The following DNMBP variants were observed in gnomAD, a reference collection of about 807,000 sequenced individuals.
DNMBP encodes dynamin binding protein.
In DNMBP, 87 loss-of-function variants were observed where a neutral mutation model predicts 150.0. The observed-to-expected ratio is 0.58, with a 90% CI of 0.49 to 0.69. The LOEUF (loss-of-function observed/expected upper bound fraction) is 0.69. Ranked by LOEUF, DNMBP falls within the 30% of genes least tolerant of loss-of-function variation. The pLI is 0.00. For missense variants in DNMBP, 1,774 were observed against 1,949.0 expected (o/e 0.91, Z 1.69); for synonymous variants, 711 against 750.4 (o/e 0.95, Z 0.86).
intron 4 of DNMBP, chr10:99,930,004 G>A (rs1302549132): frequency 4.3e-6 from 3 of 702,810 alleles, no homozygotes; most frequent in Non-Finnish European, 7.8e-6. Context: ...TCCATAATAT[G>A]AGTCTTTGCT....
At position 99,908,025 on chromosome 10, in the gene DNMBP, A is replaced by C; in HGVS notation, c.2524T>G (p.Leu842Val). ...QMVIKVSKQL[L>V]AALEISDAVG... is the part of the protein sequence containing the mutation. The stretch of plus-strand genomic sequence containing the variant: ...GCATCGCTGATTTCCAGAGCAGCCA[A>C]TAATTGCTTCGAGACCTTAATCACC... Residue 842 changes from leucine (L) to valine (V), a missense_variant, in exon 6 of 17, where the codon TTG becomes GTG. By Grantham distance (32) the Leu-to-Val change is conservative. Transcript: ENST00000324109. 1.2e-6 allele frequency: 2 copies of C among 1,614,134 alleles called. No individual in the cohort carries two copies. Among genetic ancestry groups the C allele is most frequent in the Non-Finnish European group, 1.7e-6 (2 of 1,179,976 alleles).
intron 4 of DNMBP, among the ~76,000 whole-genome samples, chr10:99,948,878 A>C (rs1445766752): frequency 6.6e-6 from 1 of 151,898 alleles, no homozygotes; most frequent in Non-Finnish European, 1.5e-5. Flanking sequence ...CAGAAGAATC[A>C]CTTGAACCCG....
chr10:99,991,237 C>T (rs934443281), intron 1 of DNMBP, among the ~76,000 whole-genome samples: 5 of 151,994 alleles, frequency 3.3e-5, no homozygotes, highest in Non-Finnish European at 7.4e-5. Flanking sequence ...TGCCACCATG[C>T]CCGGCTGATG....
In DNMBP at chr10:99,956,248, A is replaced by G; in HGVS notation, c.1226T>C (p.Val409Ala). Reference sequence around the variant, plus strand: ...CTGAGGTTGGGAGGAAATACCATTGACTACTTCTGTAGGGTCAGATGTGGG... The same window carrying G: ...CTGAGGTTGGGAGGAAATACCATTGGCTACTTCTGTAGGGTCAGATGTGGG... ...DSPTSDPTEVVNGISSQPQVP... is the reference protein window; with the variant it reads ...DSPTSDPTEVANGISSQPQVP... The change falls in exon 4 of 17, where the codon GTC (valine) becomes GCC (alanine). Residue 409 changes from valine to alanine, a missense_variant. This residue lies in a region of DNMBP where 1,430 missense variants were observed against 1,492.5 expected (regional missense o/e 0.96). Transcript: ENST00000324109. 6.2e-7 allele frequency: 1 copy of G among 1,613,586 alleles called. No individual in the cohort carries two copies. Among genetic ancestry groups the G allele is most frequent in the Non-Finnish European group, 8.5e-7 (1 of 1,179,966 alleles).
chr10:99,915,618 A>G (rs1383599213), intron 4 of DNMBP, among the ~76,000 whole-genome samples: 1 of 152,010 alleles, frequency 6.6e-6, no homozygotes, highest in Non-Finnish European at 1.5e-5. Context: ...CGAAGGCTGA[A>G]GTGGGAGGAT....
At chr10:99,929,675 G>C (rs1564735494) in intron 4 of DNMBP, 1 of 702,916 alleles carries the variant, frequency 1.4e-6, no homozygotes, top group East Asian at 2.7e-5. Context: ...TGCGGCGGAG[G>C]CAACTATTCC....
chr10:99,987,973 A>G (rs889962788), intron 1 of DNMBP, among the ~76,000 whole-genome samples: 10 of 152,196 alleles, frequency 6.6e-5, no homozygotes, highest in Non-Finnish European at 7.3e-5. Flanking sequence ...TTGCGGGGCC[A>G]TCTAGGCAGT....
chr10:99,916,692 T>A (rs970898407), intron 4 of DNMBP, among the ~76,000 whole-genome samples: 11 of 151,972 alleles, frequency 7.2e-5, no homozygotes, highest in Admixed American at 1.3e-4. Context: ...TTATCTACTT[T>A]AAAAAAAATC....
intron 11 of DNMBP, among the ~76,000 whole-genome samples, chr10:99,892,652 C>A (rs1564720186): frequency 6.3e-5 from 9 of 142,966 alleles, no homozygotes; most frequent in Non-Finnish European, 1.1e-4. Context: ...CCTAGGAAAA[C>A]CAGAGACCTT....
chr10:99,992,005 A>G (rs1316753380), intron 1 of DNMBP, among the ~76,000 whole-genome samples: 2 of 115,686 alleles, frequency 1.7e-5, no homozygotes, highest in Admixed American at 8.4e-5. Context: ...TAGGAGGCCA[A>G]GGGGGCAGAT....
At chr10:100,002,000 T>C (rs1589456523) in intron 1 of DNMBP, among the ~76,000 whole-genome samples, 1 of 152,258 alleles carries the variant, frequency 6.6e-6, no homozygotes, top group South Asian at 2.1e-4. Context: ...GAGCAAGCTA[T>C]CACCCCACTG....
chr10:99,913,881 G>T, intron 4 of DNMBP: 2 of 1,263,482 alleles, frequency 1.6e-6, no homozygotes, highest in Non-Finnish European at 2.0e-6. Context: ...GATCCCAGGT[G>T]CCCTTGAACA....
At chr10:99,929,030 G>T (rs1308775277) in intron 4 of DNMBP, among the ~76,000 whole-genome samples, 1 of 152,052 alleles carries the variant, frequency 6.6e-6, no homozygotes, top group African/African-American at 2.4e-5. Context: ...CATAGTCCCA[G>T]CTACTCAGGA....
At chr10:99,917,719 A>C (rs2039978880) in intron 4 of DNMBP, among the ~76,000 whole-genome samples, 2 of 152,008 alleles carry the variant, frequency 1.3e-5, no homozygotes, top group South Asian at 4.1e-4. Context: ...CAATCCCAGC[A>C]CTTTGGGAGG....
At chr10:99,911,196 A>G in intron 4 of DNMBP, among the ~76,000 whole-genome samples, 1 of 152,086 alleles carries the variant, frequency 6.6e-6, no homozygotes, top group Non-Finnish European at 1.5e-5. Context: ...AGCTGAGATT[A>G]TGCCACTGCA....
intron 4 of DNMBP, among the ~76,000 whole-genome samples, chr10:99,917,001 A>T (rs976692578): frequency 2.0e-5 from 3 of 152,094 alleles, no homozygotes; most frequent in Non-Finnish European, 4.4e-5. Flanking sequence ...ACTCTGTCTC[A>T]ATAAAAAACC....
chr10:99,885,830 C>CA lies in DNMBP; in HGVS notation c.3654dup (p.Ala1219CysfsTer32). 6.2e-7 allele frequency: 1 copy of CA among 1,613,208 alleles called. No individual in the cohort carries two copies. Among genetic ancestry groups the CA allele is most frequent in the Non-Finnish European group, 8.5e-7 (1 of 1,179,736 alleles). On this transcript the variant is annotated frameshift_variant, in exon 14 of 17. Transcript: ENST00000324109. LOFTEE classifies it high-confidence loss of function. Reference sequence around the variant, plus strand: ...CTGCTGTGCTCTTCGTGGAAGATGGCAATAAGGTTTCCCTCTCTGCCAGCC... The same window carrying CA: ...CTGCTGTGCTCTTCGTGGAAGATGGCAAATAAGGTTTCCCTCTCTGCCAGCC...
chr10:99,888,596 A>C (rs1044172492), intron 12 of DNMBP, among the ~76,000 whole-genome samples: 10 of 151,106 alleles, frequency 6.6e-5, no homozygotes, highest in African/African-American at 2.5e-4. Context: ...AACTAAATTA[A>C]TCACAAGCTA....
rs540208205 is a variant in DNMBP at position 99,934,379 on chromosome 10, C to T, written c.2260+20835G>A. On this transcript the variant is annotated intron_variant, in intron 4 of 16. Transcript: ENST00000324109. ...TAAGGCTTTGGGGTTAATAATGATG[C>T]GGCTTCATAACAATAAAAACCTCCT... 1.0e-4 allele frequency among the ~76,000 whole-genome samples: 15 copies of T among 146,620 alleles called. 1 individual carries two copies. Among genetic ancestry groups the T allele is most frequent in the Admixed American group, 6.2e-4 (9 of 14,574 alleles).
Sources: allele counts gnomAD v4.1 joint callset (sites outside exome capture counted in the v4.1 genomes callset), GRCh38; gene constraint gnomAD v4.1.1; regional missense constraint gnomAD v4.1.1; transcripts MANE v1.5; gene names NCBI Gene and HGNC (gene_info 2026-07-23, HGNC 2026-07-21).